Variants in STK32B observed in about 807,000 individuals in gnomAD.
STK32B encodes serine/threonine kinase 32B, also known as serine/threonine-protein kinase 32B.
In STK32B, 43 loss-of-function variants were observed where a neutral mutation model predicts 52.6. The ratio of observed to expected loss-of-function variants is 0.82; its 90% confidence interval spans 0.64 to 1.05. The LOEUF (loss-of-function observed/expected upper bound fraction) is 1.05, where lower values mean the gene tolerates loss of function less well. Among genes scored for constraint, STK32B ranks in the 50% least tolerant of loss-of-function variants. STK32B has a pLI of 0.00. For missense variants in STK32B, 621 were observed against 534.6 expected, an observed-to-expected ratio of 1.16 and a Z score of -1.59; for synonymous variants, 238 against 204.3, an observed-to-expected ratio of 1.17 and a Z score of -1.41.
chr4:5,195,128 C>T (rs1379548796), intron 3 of STK32B, among the ~76,000 whole-genome samples: 1 of 152,122 alleles, frequency 6.6e-6, no homozygotes, highest in African/African-American at 2.4e-5. Context: ...GGCTGGAGTG[C>T]ATTGGCGCAA....
intron 6 of STK32B, chr4:5,437,842 G>T (rs757354098): frequency 6.7e-6 from 6 of 897,640 alleles, no homozygotes; most frequent in Non-Finnish European, 8.0e-6. Flanking sequence ...GTTCTCTCAC[G>T]TCTAAGTGCT....
chr4:5,274,265 G>T (rs562819272), intron 3 of STK32B, among the ~76,000 whole-genome samples: 4 of 152,308 alleles, frequency 2.6e-5, no homozygotes, highest in Admixed American at 1.3e-4. Context: ...AGACAGTGTA[G>T]TATTGGTGCC....
rs1451724662 is a variant in STK32B, at chr4:5,399,362, C to T, written c.472+1118C>T. Among the ~76,000 whole-genome samples the T allele has an allele frequency of 1.3e-5, 2 of 152,184 alleles. No individual in the cohort carries two copies. Among genetic ancestry groups the T allele is most frequent in the African/African-American group, 4.8e-5 (2 of 41,442 alleles). ...TTCTATCTCAGAGCTCCTCTCGAAC[C>T]TTCCATGAGCCAGCAGCATAGCTTG... On this transcript the variant is annotated intron_variant, in intron 5 of 11. Transcript: ENST00000282908. The surrounding 1 kb of genome is among the most constrained non-coding windows in gnomAD (Gnocchi z 5.4).
chr4:5,421,481 T>C (rs1198784229), intron 6 of STK32B, among the ~76,000 whole-genome samples: 1 of 152,206 alleles, frequency 6.6e-6, no homozygotes, highest in African/African-American at 2.4e-5. Flanking sequence ...TGCCTCAGCC[T>C]CCCAAAGTGC....
chr4:5,023,604 G>A, the STK32B span, among the ~76,000 whole-genome samples: 1 of 152,244 alleles, frequency 6.6e-6, no homozygotes, highest in South Asian at 2.1e-4. Context: ...ATTCTTCAAT[G>A]TCTCTACCTC....
intron 6 of STK32B, among the ~76,000 whole-genome samples, chr4:5,436,305 A>C (rs1714069047): frequency 6.6e-6 from 1 of 152,240 alleles, no homozygotes; most frequent in Non-Finnish European, 1.5e-5. Flanking sequence ...GAACACAGCA[A>C]TATTGATGTC....
chr4:5,090,907 T>A lies in STK32B; in HGVS notation c.52+38992T>A, dbSNP rs528499908. 4.6e-5 allele frequency among the ~76,000 whole-genome samples: 7 copies of A among 152,322 alleles called. 1 individual carries two copies. The South Asian group carries it at 1.4e-3, about 32-fold the overall frequency. ...GACAAATTTCTAGAAACACAAACAC[T>A]GCCAAAACTTATTTAAGGACAAATA... is the stretch of plus-strand genomic sequence containing the variant. On this transcript the variant is annotated intron_variant, in intron 1 of 11. Coordinates refer to ENST00000282908, the MANE Select transcript of STK32B (RefSeq NM_018401.3).
chr4:5,204,258 T>C (rs1432839827), intron 3 of STK32B: 1 of 152,204 alleles, frequency 6.6e-6, no homozygotes, highest in Non-Finnish European at 1.5e-5. Flanking sequence ...ATCTCCATGA[T>C]TCATTTATTG....
chr4:5,031,008 G>T, the STK32B span, among the ~76,000 whole-genome samples: 2 of 151,984 alleles, frequency 1.3e-5, no homozygotes, highest in African/African-American at 4.8e-5. Context: ...TCCAAATTTT[G>T]CAAGGCAGAC....
At chr4:5,310,399 A>G (rs899214625) in intron 3 of STK32B, among the ~76,000 whole-genome samples, 1 of 152,220 alleles carries the variant, frequency 6.6e-6, no homozygotes. Context: ...GACATTTGTC[A>G]AAAGAAGTCA....
intron 6 of STK32B, among the ~76,000 whole-genome samples, chr4:5,444,559 C>CT (rs1302171245): frequency 6.6e-6 from 1 of 152,220 alleles, no homozygotes. Context: ...AATCACCCGT[C>CT]TTCTGCGTCG....
At chr4:5,245,191 CATT>C (rs1725350179) in intron 3 of STK32B, among the ~76,000 whole-genome samples, 1 of 152,134 alleles carries the variant, frequency 6.6e-6, no homozygotes, top group Non-Finnish European at 1.5e-5. Flanking sequence ...TAAAGTCTCC[CATT>C]ATTATTGTGT....
At chr4:5,418,815 G>T (rs140002687) in intron 6 of STK32B, among the ~76,000 whole-genome samples, 157 of 152,320 alleles carry the variant, frequency 1.0e-3, no homozygotes, top group African/African-American at 3.6e-3. Flanking sequence ...TTCCCTGACC[G>T]CATAAACAGT....
intron 3 of STK32B, among the ~76,000 whole-genome samples, chr4:5,235,882 T>A (rs1004059014): frequency 6.6e-6 from 1 of 152,202 alleles, no homozygotes; most frequent in Non-Finnish European, 1.5e-5. Context: ...AGATGGTCTT[T>A]CCAGGGGGAG....
At chr4:5,194,135 C>G (rs1001576955) in intron 3 of STK32B, among the ~76,000 whole-genome samples, 3 of 152,200 alleles carry the variant, frequency 2.0e-5, no homozygotes, top group African/African-American at 7.2e-5. Context: ...CCCTTTTCAT[C>G]TCTGATGTTA....
In STK32B at chr4:5,328,338, G is replaced by C. The variant is rs373051527; in HGVS notation, c.261-2882G>C. On this transcript the variant is annotated intron_variant, in intron 3 of 11. Transcript: ENST00000282908. Reference sequence around the variant, plus strand: ...AGCTTTCAGCCTATCTTGGCATTTGGCATGTCTTTCTCATTAGGCTTAATC... The same window carrying C: ...AGCTTTCAGCCTATCTTGGCATTTGCCATGTCTTTCTCATTAGGCTTAATC... Among the ~76,000 whole-genome samples the C allele has an allele frequency of 5.5e-4, 83 of 152,264 alleles. 1 individual carries two copies. Among genetic ancestry groups the C allele is most frequent in the African/African-American group, 1.9e-3 (80 of 41,554 alleles).
the STK32B span, among the ~76,000 whole-genome samples, chr4:5,038,295 G>A: frequency 2.0e-5 from 3 of 152,182 alleles, no homozygotes; most frequent in Non-Finnish European, 2.9e-5. Flanking sequence ...TGGCCTCAAC[G>A]AGTCTGCATT....
At chr4:5,260,095 A>T (rs1021565389) in intron 3 of STK32B, among the ~76,000 whole-genome samples, 2 of 151,792 alleles carry the variant, frequency 1.3e-5, no homozygotes. Context: ...ACACACACGC[A>T]CACGTGCACG....
At chr4:5,152,992 A>G (rs144783084) in intron 2 of STK32B, among the ~76,000 whole-genome samples, 2 of 152,358 alleles carry the variant, frequency 1.3e-5, no homozygotes, top group Non-Finnish European at 2.9e-5. Flanking sequence ...TTGTCCCACT[A>G]ATAGCCCAGT....
Sources: allele counts gnomAD v4.1 joint callset (sites outside exome capture counted in the v4.1 genomes callset), GRCh38; gene constraint gnomAD v4.1.1; non-coding constraint Gnocchi (gnomAD v3.1); transcripts MANE v1.5; gene names NCBI Gene and HGNC (gene_info 2026-07-23, HGNC 2026-07-21).